The following ADGRA3 variants were observed in gnomAD, a reference collection of about 807,000 sequenced individuals.
ADGRA3 encodes the protein G-protein coupled receptor 125.
In ADGRA3, 56 loss-of-function variants were observed where a neutral mutation model predicts 119.8. The observed-to-expected ratio is 0.47, with a 90% CI of 0.38 to 0.58. The LOEUF (loss-of-function observed/expected upper bound fraction) is 0.58. ADGRA3 is among the 20% of genes least tolerant of loss of function. The probability of loss-of-function intolerance (pLI) is 0.00; values close to 1 mark genes in which losing one functional copy is unlikely to be tolerated. For missense variants in ADGRA3, 1,516 were observed against 1,649.0 expected, an observed-to-expected ratio of 0.92 and a Z score of 1.40; for synonymous variants, 607 against 623.8, an observed-to-expected ratio of 0.97 and a Z score of 0.40.
intron 18 of ADGRA3, 22 bp from the exon 19 acceptor site, chr4:22,388,969 C>T: frequency 6.2e-7 from 1 of 1,610,480 alleles, no homozygotes; most frequent in Non-Finnish European, 8.5e-7. Flanking sequence ...AATGGTAAAC[C>T]AGATCGATGC....
intron 1 of ADGRA3, among the ~76,000 whole-genome samples, chr4:22,497,692 G>A (rs938027157): frequency 4.6e-5 from 7 of 150,574 alleles, no homozygotes; most frequent in Non-Finnish European, 7.4e-5. Flanking sequence ...GCATGGTGGC[G>A]GGCGCCTATA....
intron 4 of ADGRA3, among the ~76,000 whole-genome samples, chr4:22,450,940 A>G (rs1717014042): frequency 7.5e-5 from 1 of 13,272 alleles, no homozygotes; most frequent in Non-Finnish European, 2.2e-4. Flanking sequence ...ATAACAGAAA[A>G]AAAAAAAAAA....
intron 16 of ADGRA3, among the ~76,000 whole-genome samples, chr4:22,400,722 A>G (rs1714596950): frequency 6.6e-6 from 1 of 152,094 alleles, no homozygotes; most frequent in African/African-American, 2.4e-5. Flanking sequence ...AAAAGCAAAC[A>G]AAAGAAAAAA....
chr4:22,434,335 C>T (rs1338424178), intron 10 of ADGRA3, among the ~76,000 whole-genome samples: 1 of 151,732 alleles, frequency 6.6e-6, no homozygotes, highest in African/African-American at 2.4e-5. Flanking sequence ...CTGAGAAGTT[C>T]TACATAAAGA....
At position 22,389,030 on chromosome 4, in the gene ADGRA3, G is replaced by GA. The variant is rs757495210; in HGVS notation, c.2723+57dup. 1,639 of 1,597,132 alleles carry GA rather than the reference G, an allele frequency of 1.0e-3. 2 individuals carry two copies. Among genetic ancestry groups the GA allele is most frequent in the Non-Finnish European group, 1.3e-3 (1,490 of 1,167,744 alleles). Reference sequence around the variant, plus strand: ...AAATTGCAATCACCTGTAATGCCTAGAAAATACTTAAAAGAGAAACAACTG... The same window carrying GA: ...AAATTGCAATCACCTGTAATGCCTAGAAAAATACTTAAAAGAGAAACAACTG... On this transcript the variant is annotated intron_variant, in intron 18 of 18. Transcript: ENST00000334304.
rs774718504 is a variant in ADGRA3, at chr4:22,435,471, A to T, written c.1288-5T>A. ...ATTGGTAAGATTGAGGGGCATCTAC[A>T]TTTCAAAGGCAAAAATGATCAACAA... On this transcript the variant is annotated splice_region_variant and splice_polypyrimidine_tract_variant and intron_variant, in intron 9 of 18. Coordinates refer to ENST00000334304, the MANE Select transcript of ADGRA3 (RefSeq NM_145290.4). 53 of 1,575,804 alleles carry T rather than the reference A, an allele frequency of 3.4e-5. No individual in the cohort carries two copies. Among genetic ancestry groups the T allele is most frequent in the Non-Finnish European group, 1.7e-6 (2 of 1,151,420 alleles).
At chr4:22,447,565 TC>T (rs1388878511) in intron 4 of ADGRA3, 54 bp from the exon 5 acceptor site, 26 of 1,074,788 alleles carry the variant, frequency 2.4e-5, no homozygotes, top group Non-Finnish European at 3.2e-5. Flanking sequence ...TATCATTTTA[TC>T]CTATTTCATA....
At chr4:22,397,734 G>T (rs901372066) in intron 16 of ADGRA3, among the ~76,000 whole-genome samples, 1 of 152,042 alleles carries the variant, frequency 6.6e-6, no homozygotes, top group South Asian at 2.1e-4. Flanking sequence ...TTTATAAAGG[G>T]GATTTCCCCT....
At chr4:22,497,705 C>T (rs1258606166) in intron 1 of ADGRA3, among the ~76,000 whole-genome samples, 3 of 147,248 alleles carry the variant, frequency 2.0e-5, no homozygotes, top group African/African-American at 7.6e-5. Context: ...CGCCTATAAT[C>T]CCAGCTACTT....
rs1221555650 is a variant in ADGRA3, at chr4:22,447,430, TCTTA to T, written c.545+6_545+9del. 4 of 1,462,028 alleles carry T rather than the reference TCTTA, an allele frequency of 2.7e-6. No homozygotes were observed. Among genetic ancestry groups the T allele is most frequent in the Non-Finnish European group, 2.8e-6 (3 of 1,085,406 alleles). The allele number at this position is 1,462,028 out of a possible 1,614,324, so 90.6% of individuals were successfully genotyped here. The stretch of plus-strand genomic sequence containing the variant: ...CAAAAAAAAAAAGAGAGAAAAAAAT[TCTTA>T]CTTACAAAGACCGTAATGACGCAAG... On this transcript the variant is annotated splice_donor_region_variant and intron_variant, in intron 5 of 18. Transcript: ENST00000334304.
intron 3 of ADGRA3, among the ~76,000 whole-genome samples, chr4:22,460,080 C>CT (rs1266464508): frequency 1.3e-5 from 2 of 152,144 alleles, no homozygotes; most frequent in Non-Finnish European, 2.9e-5. Context: ...TTTGGAAGGC[C>CT]TTTTTAATAC....
At chr4:22,389,464 T>G (rs551430891) in intron 17 of ADGRA3, among the ~76,000 whole-genome samples, 6 of 152,188 alleles carry the variant, frequency 3.9e-5, no homozygotes, top group Non-Finnish European at 7.4e-5. Flanking sequence ...AGTAACACTC[T>G]GAGCCTGCTG....
At chr4:22,420,299 A>T (rs1364672922) in intron 12 of ADGRA3, 2 of 153,046 alleles carry the variant, frequency 1.3e-5, no homozygotes. Context: ...AATACAGTGT[A>T]GTCAAATATA....
intron 10 of ADGRA3, among the ~76,000 whole-genome samples, chr4:22,431,975 A>G (rs1716189454): frequency 1.3e-5 from 2 of 152,042 alleles, no homozygotes; most frequent in South Asian, 4.2e-4. Context: ...ATTTCAGTTA[A>G]AGTTGCAGTT....
intron 1 of ADGRA3, among the ~76,000 whole-genome samples, chr4:22,500,183 A>ATTGTT: frequency 6.6e-6 from 1 of 151,690 alleles, no homozygotes; most frequent in East Asian, 2.0e-4. Context: ...TTCTGTAACA[A>ATTGTT]CTGTTCTACA....
chr4:22,403,559 T>C (rs1434281956), intron 14 of ADGRA3, among the ~76,000 whole-genome samples: 2 of 151,098 alleles, frequency 1.3e-5, no homozygotes, highest in African/African-American at 4.9e-5. Context: ...ACACAGGGAG[T>C]TTGCATCTCC....
chr4:22,513,870 A>AAAC lies in ADGRA3; in HGVS notation c.257+1657_257+1658insGTT, dbSNP rs1553883968. ...CAAAAAAAAAAAAAAAAAAAAAAAA[A>AAAC]AAAACTGGATTGAAATGACATTTCA... On this transcript the variant is annotated intron_variant, in intron 1 of 18. Transcript: ENST00000334304. Among the ~76,000 whole-genome samples, 20 of 95,616 alleles carry AAAC rather than the reference A, an allele frequency of 2.1e-4. 2 individuals are homozygous for AAAC. Among genetic ancestry groups the AAAC allele is most frequent in the African/African-American group, 3.9e-4 (10 of 25,750 alleles). 62.7% of individuals were successfully genotyped at this position (95,616 alleles called of 152,430 possible). A position where few individuals can be genotyped will look rare whatever the true frequency, so the allele number is the denominator to read the frequency against.
At chr4:22,505,603 C>T (rs947699916) in intron 1 of ADGRA3, among the ~76,000 whole-genome samples, 5 of 150,242 alleles carry the variant, frequency 3.3e-5, no homozygotes, top group East Asian at 2.0e-4. Context: ...GCAGACATCG[C>T]GCCACTGCAC....
chr4:22,435,038 A>C (rs1310834465), intron 10 of ADGRA3, among the ~76,000 whole-genome samples: 2 of 152,212 alleles, frequency 1.3e-5, no homozygotes, highest in African/African-American at 4.8e-5. Flanking sequence ...ACGTGGAGGC[A>C]GAACACTGCT....
Sources: allele counts gnomAD v4.1 joint callset (sites outside exome capture counted in the v4.1 genomes callset), GRCh38; gene constraint gnomAD v4.1.1; transcripts MANE v1.5; gene names NCBI Gene and HGNC (gene_info 2026-07-23, HGNC 2026-07-21).